AKAP19: variants seen among roughly 807,000 people sequenced by gnomAD.
AKAP19 encodes the protein small A-kinase anchoring protein.
the AKAP19 span, among the ~76,000 whole-genome samples, chr2:189,996,263 C>A: frequency 1.3e-5 from 2 of 152,172 alleles, no homozygotes; most frequent in African/African-American, 4.8e-5. Flanking sequence ...AACATAATCC[C>A]AATTTTTGGG....
chr2:189,973,060 T>C, the AKAP19 span, among the ~76,000 whole-genome samples: 10 of 152,230 alleles, frequency 6.6e-5, no homozygotes, highest in East Asian at 5.8e-4. Context: ...TGTCTTGTGC[T>C]AGTTTTCAAA....
chr2:189,902,744 C>T, the AKAP19 span, among the ~76,000 whole-genome samples: 28 of 151,746 alleles, frequency 1.8e-4, no homozygotes, highest in East Asian at 5.0e-3. Flanking sequence ...CTGTATACTT[C>T]GCTTTTCAAA....
the AKAP19 span, among the ~76,000 whole-genome samples, chr2:189,970,040 G>A: frequency 1.3e-5 from 2 of 151,416 alleles, no homozygotes; most frequent in African/African-American, 4.9e-5. Context: ...CTAATTTTTT[G>A]TACTTTTTAT....
chr2:189,886,970 A>G, the AKAP19 span, among the ~76,000 whole-genome samples: 1 of 152,024 alleles, frequency 6.6e-6, no homozygotes, highest in Non-Finnish European at 1.5e-5. Flanking sequence ...ACTCAATAAG[A>G]CTTGTTCTTG....
the AKAP19 span, among the ~76,000 whole-genome samples, chr2:190,087,583 C>T: frequency 2.0e-5 from 3 of 152,336 alleles, no homozygotes; most frequent in East Asian, 5.8e-4. Context: ...CTCAGGCCTC[C>T]CTTTAACCAT....
the AKAP19 span, among the ~76,000 whole-genome samples, chr2:189,915,635 C>T: frequency 1.3e-5 from 2 of 151,956 alleles, no homozygotes; most frequent in African/African-American, 4.8e-5. Flanking sequence ...TCAAATTTCA[C>T]CAGATGGTTA....
chr2:190,077,988 T>G, the AKAP19 span, among the ~76,000 whole-genome samples: 1 of 152,180 alleles, frequency 6.6e-6, no homozygotes, highest in African/African-American at 2.4e-5. Context: ...GTTCAGCTAT[T>G]GTTCTTAAGG....
the AKAP19 span, among the ~76,000 whole-genome samples, chr2:190,115,303 T>TATA: frequency 1.8e-3 from 10 of 5,414 alleles, no homozygotes; most frequent in Non-Finnish European, 2.8e-3. Flanking sequence ...ATATATATAT[T>TATA]TTTTTTTTTT....
At chr2:190,025,473 T>C in the AKAP19 span, among the ~76,000 whole-genome samples, 1 of 152,162 alleles carries the variant, frequency 6.6e-6, no homozygotes, top group Admixed American at 6.5e-5. Flanking sequence ...ATTTTGACAA[T>C]TACATATAGT....
the AKAP19 span, among the ~76,000 whole-genome samples, chr2:190,134,158 A>G: frequency 6.6e-6 from 1 of 152,178 alleles, no homozygotes. Context: ...GAGTGTACAA[A>G]TGAAACCCAT....
chr2:190,105,860 A>G, the AKAP19 span, among the ~76,000 whole-genome samples: 1 of 152,348 alleles, frequency 6.6e-6, no homozygotes, highest in East Asian at 1.9e-4. Context: ...CACACTAAAC[A>G]GAATTCCTTG....
At chr2:189,966,109 T>C in the AKAP19 span, among the ~76,000 whole-genome samples, 1 of 151,864 alleles carries the variant, frequency 6.6e-6, no homozygotes, top group Non-Finnish European at 1.5e-5. Context: ...ATATTGTATG[T>C]TCTTACTCAT....
At chr2:190,106,033 A>C in the AKAP19 span, among the ~76,000 whole-genome samples, 1 of 152,370 alleles carries the variant, frequency 6.6e-6, no homozygotes, top group Non-Finnish European at 1.5e-5. Flanking sequence ...AAAAGAAGTT[A>C]ATTGCAATTT....
At chr2:190,169,507 C>T in the AKAP19 span, among the ~76,000 whole-genome samples, 1 of 152,144 alleles carries the variant, frequency 6.6e-6, no homozygotes, top group East Asian at 1.9e-4. Context: ...GAGTAACTAA[C>T]ACTTGCTGTG....
At chr2:190,029,866 C>T in the AKAP19 span, among the ~76,000 whole-genome samples, 5 of 152,156 alleles carry the variant, frequency 3.3e-5, no homozygotes, top group Non-Finnish European at 5.9e-5. Context: ...AGAGAATATA[C>T]ATTTCTAGAA....
the AKAP19 span, among the ~76,000 whole-genome samples, chr2:189,966,529 G>T: frequency 2.0e-5 from 3 of 152,202 alleles, no homozygotes; most frequent in Non-Finnish European, 4.4e-5. Flanking sequence ...AGGAGTTTGG[G>T]ATGGGAAGAG....
the AKAP19 span, among the ~76,000 whole-genome samples, chr2:190,017,506 ATAACAAATTAATTTT>A: frequency 6.6e-6 from 1 of 152,282 alleles, no homozygotes; most frequent in South Asian, 2.1e-4. Flanking sequence ...TTTCAAGCTG[ATAACAAATTAATTTT>A]GATCTTACAC....
the AKAP19 span, among the ~76,000 whole-genome samples, chr2:190,114,990 T>C: frequency 6.6e-6 from 1 of 151,766 alleles, no homozygotes; most frequent in African/African-American, 2.4e-5. Flanking sequence ...ATGCTCATGT[T>C]CCTTAGAGAT....
the AKAP19 span, among the ~76,000 whole-genome samples, chr2:190,131,412 C>A: frequency 2.0e-5 from 3 of 152,218 alleles, no homozygotes; most frequent in Admixed American, 6.5e-5. Context: ...TGCTTCTGGA[C>A]AGCAGAATGG....
Sources: allele counts gnomAD v4.1 joint callset (sites outside exome capture counted in the v4.1 genomes callset), GRCh38; gene constraint gnomAD v4.1.1; transcripts MANE v1.5; gene names NCBI Gene and HGNC (gene_info 2026-07-23, HGNC 2026-07-21).